The following TTLL5 variants were observed in gnomAD, a reference collection of about 807,000 sequenced individuals.
TTLL5 encodes tubulin tyrosine ligase like 5, also known as tubulin polyglutamylase TTLL5.
Under a neutral mutation model 168.4 loss-of-function variants are expected in TTLL5, and 132 were observed. The observed-to-expected ratio is 0.78, with a 90% CI of 0.68 to 0.91. The LOEUF (loss-of-function observed/expected upper bound fraction) is 0.91, where lower values mean the gene tolerates loss of function less well. Among genes scored for constraint, TTLL5 ranks in the 40% least tolerant of loss-of-function variants. TTLL5 has a pLI of 0.00. For synonymous variants in TTLL5, 546 were observed against 558.6 expected (o/e 0.98, Z 0.32); for missense variants, 1,545 against 1,581.5 (o/e 0.98, Z 0.39).
chr14:75,916,008 A>G (rs1202051561), intron 31 of TTLL5, among the ~76,000 whole-genome samples: 2 of 152,140 alleles, frequency 1.3e-5, no homozygotes, highest in East Asian at 3.9e-4. Context: ...ACACACCTGT[A>G]GTCCCAGCTT....
chr14:75,713,822 G>A (rs925981498), intron 9 of TTLL5, among the ~76,000 whole-genome samples: 1 of 152,108 alleles, frequency 6.6e-6, no homozygotes, highest in African/African-American at 2.4e-5. Context: ...GTGAAACAAA[G>A]CACTTTTTTA....
intron 30 of TTLL5, 146 bp from the exon 31 acceptor site, chr14:75,901,996 G>A: frequency 1.5e-6 from 1 of 673,992 alleles, no homozygotes; most frequent in Non-Finnish European, 2.7e-6. Context: ...CTCTGATAAG[G>A]TGACATTTGA....
intron 30 of TTLL5, among the ~76,000 whole-genome samples, chr14:75,890,988 G>A (rs1379013469): frequency 6.6e-6 from 1 of 152,102 alleles, no homozygotes; most frequent in Non-Finnish European, 1.5e-5. Flanking sequence ...CAAAGTGCTG[G>A]GATTACAGGC....
At chr14:75,743,644 T>A (rs1332996254) in intron 15 of TTLL5, among the ~76,000 whole-genome samples, 3 of 135,140 alleles carry the variant, frequency 2.2e-5, no homozygotes, top group Non-Finnish European at 3.1e-5. Flanking sequence ...TGCAGTGGCG[T>A]GATCTCAGCT....
At chr14:75,910,484 G>A (rs760446908) in intron 31 of TTLL5, among the ~76,000 whole-genome samples, 3 of 152,134 alleles carry the variant, frequency 2.0e-5, no homozygotes, top group African/African-American at 4.8e-5. Context: ...CCAGGTTATC[G>A]ATCTGTTCAC....
chr14:75,915,055 T>G (rs892474982), intron 31 of TTLL5, among the ~76,000 whole-genome samples: 2 of 152,252 alleles, frequency 1.3e-5, no homozygotes, highest in Non-Finnish European at 2.9e-5. Flanking sequence ...GGGAACAAAG[T>G]TAAAATGAGA....
intron 20 of TTLL5, among the ~76,000 whole-genome samples, chr14:75,768,362 A>T (rs1305639306): frequency 6.6e-6 from 1 of 152,214 alleles, no homozygotes; most frequent in Non-Finnish European, 1.5e-5. Flanking sequence ...ACCTAGGGCC[A>T]ACTGAGTAGG....
chr14:75,839,951 T>A lies in TTLL5; in HGVS notation c.3326+19790T>A, dbSNP rs548857349. Among the ~76,000 whole-genome samples, 3 of 152,366 alleles carry A rather than the reference T, an allele frequency of 2.0e-5. No individual in the cohort carries two copies. The East Asian group carries it at 5.8e-4, about 29-fold the overall frequency. ...TTGAGCTTTAGGAGTTCTCTATATA[T>A]CCTGGCTATTAAACCCTCAACAGAT... is the stretch of plus-strand genomic sequence containing the variant. On this transcript the variant is annotated intron_variant, in intron 28 of 31. Transcript: ENST00000298832.
At chr14:75,805,371 C>T (rs1329182806) in intron 27 of TTLL5, among the ~76,000 whole-genome samples, 2 of 152,190 alleles carry the variant, frequency 1.3e-5, no homozygotes, top group African/African-American at 4.8e-5. Flanking sequence ...TTGATCATAG[C>T]AGAGTGGCTC....
At chr14:75,757,778 A>C (rs1339025958) in intron 18 of TTLL5, 1 of 1,533,080 alleles carries the variant, frequency 6.5e-7, no homozygotes, top group African/African-American at 1.4e-5. Context: ...TGAACTTAAG[A>C]GAGACTACCT....
At chr14:75,922,879 G>A (rs2033878752) in intron 31 of TTLL5, among the ~76,000 whole-genome samples, 1 of 152,058 alleles carries the variant, frequency 6.6e-6, no homozygotes, top group South Asian at 2.1e-4. Context: ...TTGGTTGGTA[G>A]GCTATTAATT....
At chr14:75,840,941 T>TA (rs1174869793) in intron 28 of TTLL5, among the ~76,000 whole-genome samples, 1 of 152,180 alleles carries the variant, frequency 6.6e-6, no homozygotes, top group Non-Finnish European at 1.5e-5. Context: ...TTGCTTCTGG[T>TA]AGGGGCCTCA....
At chr14:75,771,251 AC>A (rs1891291180) in intron 20 of TTLL5, among the ~76,000 whole-genome samples, 1 of 152,198 alleles carries the variant, frequency 6.6e-6, no homozygotes, top group Admixed American at 6.5e-5. Flanking sequence ...ACATGGTGAA[AC>A]CCCGTCTCTA....
chr14:75,688,921 T>C (rs1885259737), intron 5 of TTLL5, among the ~76,000 whole-genome samples: 1 of 152,198 alleles, frequency 6.6e-6, no homozygotes, highest in African/African-American at 2.4e-5. Flanking sequence ...ATGTGGTGAT[T>C]GTAAAATGTG....
chr14:75,757,908 G>A (rs766433282), intron 18 of TTLL5: 4 of 1,574,038 alleles, frequency 2.5e-6, no homozygotes, highest in Non-Finnish European at 2.6e-6. Flanking sequence ...CTTTCCATGT[G>A]CATAATGTGT....
At chr14:75,766,466 T>A in intron 20 of TTLL5, 98 bp downstream of exon 20, 2 of 1,139,098 alleles carry the variant, frequency 1.8e-6, no homozygotes, top group Non-Finnish European at 2.4e-6. Context: ...ATTTTTCATT[T>A]AATATTTACA....
intron 17 of TTLL5, among the ~76,000 whole-genome samples, chr14:75,751,793 A>G (rs1889970258): frequency 6.6e-6 from 1 of 152,212 alleles, no homozygotes; most frequent in African/African-American, 2.4e-5. Context: ...CTTGGATCTT[A>G]TACAAGAAAG....
chr14:75,795,353 A>G (rs1308608675), intron 27 of TTLL5, among the ~76,000 whole-genome samples: 1 of 152,258 alleles, frequency 6.6e-6, no homozygotes, highest in Non-Finnish European at 1.5e-5. Flanking sequence ...GTTTTTAGAT[A>G]AAGTGTACTT....
At chr14:75,709,852 AAAAG>A (rs1886938467) in intron 9 of TTLL5, 2 of 156,548 alleles carry the variant, frequency 1.3e-5, no homozygotes, top group Admixed American at 6.6e-5. Flanking sequence ...AAAAAAAAAA[AAAAG>A]ACCAAGAAAA....
Sources: allele counts gnomAD v4.1 joint callset (sites outside exome capture counted in the v4.1 genomes callset), GRCh38; gene constraint gnomAD v4.1.1; transcripts MANE v1.5; gene names NCBI Gene and HGNC (gene_info 2026-07-23, HGNC 2026-07-21).